The following DENND1A variants were observed in gnomAD, a reference collection of about 807,000 sequenced individuals.
DENND1A encodes the protein DENN domain-containing protein 1A.
A neutral mutation model predicts 113.7 loss-of-function variants in DENND1A; 51 were observed. The ratio of observed to expected loss-of-function variants is 0.45; its 90% CI spans 0.36 to 0.57. DENND1A has a LOEUF of 0.57. DENND1A is among the 20% of genes least tolerant of loss of function. The pLI is 0.00. For synonymous variants in DENND1A, 565 were observed against 570.8 expected, an observed-to-expected ratio of 0.99 and a Z score of 0.14; for missense variants, 1,258 against 1,395.9, an observed-to-expected ratio of 0.90 and a Z score of 1.57.
chr9:123,470,364 G>GCGGCAGGGGTTGCCTCACTCA (rs1554830812), intron 13 of DENND1A, among the ~76,000 whole-genome samples: 3 of 151,182 alleles, frequency 2.0e-5, no homozygotes, highest in African/African-American at 7.3e-5. Flanking sequence ...CACGTGGCCA[G>GCGGCAGGGGTTGCCTCACTCA]CGCCAGGGGT....
At chr9:123,920,912 T>C (rs1232015605) in intron 1 of DENND1A, among the ~76,000 whole-genome samples, 1 of 152,094 alleles carries the variant, frequency 6.6e-6, no homozygotes, top group East Asian at 1.9e-4. Context: ...TTCTAATTGT[T>C]TGCACGCTCA....
intron 4 of DENND1A, among the ~76,000 whole-genome samples, 161 bp downstream of exon 4, chr9:123,769,353 A>G (rs1169450922): frequency 6.6e-6 from 1 of 152,242 alleles, no homozygotes; most frequent in Non-Finnish European, 1.5e-5. Flanking sequence ...GACAGTGTCA[A>G]TAAAAACCCC....
At chr9:123,402,070 C>T (rs1207944559) in intron 21 of DENND1A, among the ~76,000 whole-genome samples, 5 of 152,182 alleles carry the variant, frequency 3.3e-5, no homozygotes, top group Non-Finnish European at 7.4e-5. Flanking sequence ...ATCTTTAGTC[C>T]GAGGCACTCA....
chr9:123,703,059 G>GC (rs1320740249), intron 5 of DENND1A, among the ~76,000 whole-genome samples: 1 of 152,160 alleles, frequency 6.6e-6, no homozygotes, highest in Non-Finnish European at 1.5e-5. Context: ...TCGGCTCACT[G>GC]CAACTTCTGC....
chr9:123,806,516 C>T (rs1016873613), intron 2 of DENND1A, among the ~76,000 whole-genome samples: 1 of 152,150 alleles, frequency 6.6e-6, no homozygotes, highest in African/African-American at 2.4e-5. Flanking sequence ...CTCGGTCTCC[C>T]AAAGTGCTGG....
intron 2 of DENND1A, among the ~76,000 whole-genome samples, chr9:123,834,085 G>T (rs1291015728): frequency 6.6e-6 from 1 of 152,094 alleles, no homozygotes; most frequent in Non-Finnish European, 1.5e-5. Flanking sequence ...GAATACAGTT[G>T]TCTATTTTTT....
At chr9:123,920,197 G>A (rs1022968660) in intron 1 of DENND1A, among the ~76,000 whole-genome samples, 10 of 152,224 alleles carry the variant, frequency 6.6e-5, no homozygotes, top group East Asian at 1.9e-4. Context: ...TCGGGAGGCC[G>A]AGGCGGGCGG....
chr9:123,620,213 C>CA (rs34196587), intron 10 of DENND1A, among the ~76,000 whole-genome samples: 1,574 of 58,924 alleles, frequency 0.027, 62 homozygotes, highest in African/African-American at 0.042. Flanking sequence ...GACTCCATCT[C>CA]AAAAAAAAAA....
intron 5 of DENND1A, among the ~76,000 whole-genome samples, chr9:123,697,376 A>G (rs2065586410): frequency 6.6e-6 from 1 of 152,172 alleles, no homozygotes; most frequent in African/African-American, 2.4e-5. Context: ...TGTTGTTGTT[A>G]TAGAATTTTA....
chr9:123,499,603 T>A (rs1331703950), intron 13 of DENND1A, among the ~76,000 whole-genome samples: 2 of 152,166 alleles, frequency 1.3e-5, no homozygotes, highest in Non-Finnish European at 2.9e-5. Context: ...CACAAAGATA[T>A]TAAAAACTTA....
At position 123,380,722 on chromosome 9, in the gene DENND1A, A is replaced by G. The variant is rs1022790827; in HGVS notation, c.*710T>C. ...AGATGGGGGTTTCCATTTTCCTTCT[A>G]TAAATCAAAGTTGCTGGTGCTCGCA... On this transcript the variant is annotated 3_prime_UTR_variant, in exon 24 of 24. Transcript: ENST00000394215. The G allele has an allele frequency of 6.6e-6, 1 of 152,570 alleles. No homozygotes were observed. The highest frequency in any genetic ancestry group is 2.4e-5 in the African/African-American group (1 of 41,428). 9.5% of individuals were successfully genotyped at this position (152,570 alleles called of 1,614,324 possible).
At chr9:123,517,649 A>T (rs1353549291) in intron 13 of DENND1A, among the ~76,000 whole-genome samples, 5 of 152,122 alleles carry the variant, frequency 3.3e-5, no homozygotes, top group African/African-American at 1.2e-4. Context: ...AAACAAAACA[A>T]AACAAACAAA....
intron 18 of DENND1A, among the ~76,000 whole-genome samples, chr9:123,441,189 G>A (rs2046905245): frequency 6.6e-6 from 1 of 152,198 alleles, no homozygotes; most frequent in Non-Finnish European, 1.5e-5. Flanking sequence ...AACAATGGAT[G>A]CATTACCAGT....
intron 2 of DENND1A, among the ~76,000 whole-genome samples, chr9:123,799,837 C>A (rs1016073512): frequency 2.6e-5 from 4 of 152,148 alleles, no homozygotes; most frequent in Non-Finnish European, 4.4e-5. Context: ...TGAAAACAAG[C>A]CTTTGAATGC....
intron 5 of DENND1A, among the ~76,000 whole-genome samples, chr9:123,738,195 C>T (rs761581851): frequency 5.3e-5 from 8 of 152,116 alleles, no homozygotes; most frequent in Non-Finnish European, 1.0e-4. Context: ...GTTGCATACA[C>T]AAAATGTCAA....
At chr9:123,900,930 A>G (rs973128262) in intron 1 of DENND1A, among the ~76,000 whole-genome samples, 4 of 152,248 alleles carry the variant, frequency 2.6e-5, no homozygotes, top group Admixed American at 2.6e-4. Flanking sequence ...AAGAATAAAC[A>G]TGAAAATTTA....
At chr9:123,927,553 C>A (rs1294087248) in intron 1 of DENND1A, among the ~76,000 whole-genome samples, 1 of 152,200 alleles carries the variant, frequency 6.6e-6, no homozygotes, top group East Asian at 1.9e-4. Flanking sequence ...AATAACCCTA[C>A]AACCTGGACA....
intron 5 of DENND1A, among the ~76,000 whole-genome samples, chr9:123,718,042 G>A (rs1402850390): frequency 6.6e-6 from 1 of 152,176 alleles, no homozygotes; most frequent in Non-Finnish European, 1.5e-5. Flanking sequence ...ATCTTGCTGG[G>A]TGTATGTTAT....
intron 5 of DENND1A, among the ~76,000 whole-genome samples, chr9:123,735,987 A>C (rs779167054): frequency 3.9e-5 from 6 of 152,210 alleles, no homozygotes; most frequent in Non-Finnish European, 4.4e-5. Context: ...CCTGGGTGAC[A>C]GAGTAAGGCC....
Sources: allele counts gnomAD v4.1 joint callset (sites outside exome capture counted in the v4.1 genomes callset), GRCh38; gene constraint gnomAD v4.1.1; transcripts MANE v1.5; gene names NCBI Gene and HGNC (gene_info 2026-07-23, HGNC 2026-07-21).